SLC10A2: variants seen among roughly 807,000 people sequenced by gnomAD.
SLC10A2 encodes the protein solute carrier family 10 member 2.
In SLC10A2, 34 loss-of-function variants were observed where a neutral mutation model predicts 27.1. The ratio of observed to expected loss-of-function variants is 1.26; its 90% confidence interval spans 0.96 to 1.67. SLC10A2 has a LOEUF of 1.67. SLC10A2 is among the 40% of genes most tolerant of loss of function. SLC10A2 has a pLI of 0.00. For missense variants in SLC10A2, 530 were observed against 444.4 expected (o/e 1.19, Z -1.73); for synonymous variants, 205 against 174.0 (o/e 1.18, Z -1.40).
chr13:103,049,401 T>C lies in SLC10A2; in HGVS notation c.807A>G (p.Leu269=), dbSNP rs200875130. The change falls in exon 5 of 6, where the codon CTA becomes CTG. Residue 269 remains leucine, a synonymous_variant. Transcript: ENST00000245312. The stretch of plus-strand genomic sequence containing the variant: ...AGGAGAGCTGAACGATGGTGGAACA[T>C]AGCTGCGTGTTCTGCATCCCCGTTT... ...AFETGMQNTQ[L]CSTIVQLSFT... 18 of 1,613,924 alleles carry C rather than the reference T, an allele frequency of 1.1e-5. No individual in the cohort carries two copies. The highest frequency in any genetic ancestry group is 1.5e-5 in the Non-Finnish European group (18 of 1,179,958).
rs1294243338 is a variant in SLC10A2 at position 103,044,613 on chromosome 13, A to G, written c.*1520T>C. 1 of 152,172 alleles carries G rather than the reference A, an allele frequency of 6.6e-6. No homozygotes were observed. Among genetic ancestry groups the G allele is most frequent in the Non-Finnish European group, 1.5e-5 (1 of 68,022 alleles). 9.4% of individuals were successfully genotyped at this position (152,172 alleles called of 1,614,324 possible). A position where few individuals can be genotyped will look rare whatever the true frequency, so the allele number is the denominator to read the frequency against. ...GAAAAGCAGAATCCCTCACCCCTCT[A>G]CTGGAAGAGCTAAGTTGAGTTCCTG... On this transcript the variant is annotated 3_prime_UTR_variant, in exon 6 of 6. Coordinates refer to ENST00000245312, the MANE Select transcript of SLC10A2 (RefSeq NM_000452.3).
intron 1 of SLC10A2, among the ~76,000 whole-genome samples, chr13:103,063,612 T>A (rs1424705758): frequency 1.3e-5 from 2 of 152,248 alleles, no homozygotes; most frequent in Non-Finnish European, 1.5e-5. Context: ...ACCCTTTTAA[T>A]TAATTTGTAT....
At chr13:103,064,511 A>G (rs911073151) in intron 1 of SLC10A2, among the ~76,000 whole-genome samples, 4 of 152,214 alleles carry the variant, frequency 2.6e-5, no homozygotes, top group Admixed American at 1.3e-4. Context: ...CCTCTGCACT[A>G]AAAGTTACAA....
intron 1 of SLC10A2, among the ~76,000 whole-genome samples, chr13:103,059,251 G>A (rs1400799683): frequency 2.0e-5 from 3 of 152,094 alleles, no homozygotes; most frequent in Non-Finnish European, 2.9e-5. Context: ...CTGCATGTGT[G>A]ACTTCTTTTG....
chr13:103,055,814 T>C (rs1469621876), intron 2 of SLC10A2, among the ~76,000 whole-genome samples: 1 of 152,238 alleles, frequency 6.6e-6, no homozygotes, highest in African/African-American at 2.4e-5. Context: ...TATAAAGGAA[T>C]AAGTACATTC....
Position 103,044,857 on chromosome 13 carries a change from T to C in SLC10A2, c.*1276A>G, listed in dbSNP as rs1875561330. ...TTAAATTCGATCTTATAATTGAAAG[T>C]CCAACACTTGATGAGTTATTTTCCC... On this transcript the variant is annotated 3_prime_UTR_variant, in exon 6 of 6. Coordinates refer to ENST00000245312, the MANE Select transcript of SLC10A2 (RefSeq NM_000452.3). 1 of 152,180 alleles carries C rather than the reference T, an allele frequency of 6.6e-6. No homozygotes were observed. Among genetic ancestry groups the C allele is most frequent in the Non-Finnish European group, 1.5e-5 (1 of 68,046 alleles). 9.4% of individuals were successfully genotyped at this position (152,180 alleles called of 1,614,324 possible). A position where few individuals can be genotyped will look rare whatever the true frequency, so the allele number is the denominator to read the frequency against.
intron 2 of SLC10A2, among the ~76,000 whole-genome samples, chr13:103,054,714 T>G (rs1679723759): frequency 1.3e-5 from 2 of 152,256 alleles, no homozygotes; most frequent in Admixed American, 6.5e-5. Flanking sequence ...TGAGGCCAGA[T>G]GAAGTTTTTC....
In SLC10A2 at chr13:103,058,322, A is replaced by G. The variant is rs1876001011; in HGVS notation, c.438T>C (p.Leu146=). 2 of 1,613,780 alleles carry G rather than the reference A, an allele frequency of 1.2e-6. No individual in the cohort carries two copies. Among genetic ancestry groups the G allele is most frequent in the Non-Finnish European group, 1.7e-6 (2 of 1,179,856 alleles). Residue 146 remains leucine (L), a synonymous_variant, in exon 2 of 6, where the codon CTT becomes CTC. Coordinates refer to ENST00000245312, the MANE Select transcript of SLC10A2 (RefSeq NM_000452.3). ...AGTCGACCCACATTTTGGTATAGAT[A>G]AGGAGGCACAGCGGCATCATTCCGA... The part of the protein sequence containing the change: ...LALGMMPLCL[L]IYTKMWVDSG...
chr13:103,057,969 A>C (rs998010927), intron 2 of SLC10A2, among the ~76,000 whole-genome samples: 18 of 152,082 alleles, frequency 1.2e-4, no homozygotes, highest in African/African-American at 4.1e-4. Context: ...GAATAGGTGC[A>C]AGCTCCCATG....
At chr13:103,051,235 T>C (rs975728480) in intron 4 of SLC10A2, 22 bp downstream of exon 4, 2 of 1,611,272 alleles carry the variant, frequency 1.2e-6, no homozygotes, top group African/African-American at 1.3e-5. Context: ...AAATTCCCAA[T>C]GTGATTTACT....
At position 103,066,347 on chromosome 13, in the gene SLC10A2, C is replaced by A; in HGVS notation, c.-98G>T. On this transcript the variant is annotated 5_prime_UTR_variant, in exon 1 of 6. Transcript: ENST00000245312. ...GAGTTAAGCAACGTTTACTTCTACC[C>A]CATCAAACTTTTAAACCCCTCCTAA... 2 of 1,389,990 alleles carry A rather than the reference C, an allele frequency of 1.4e-6. No homozygotes were observed. Among genetic ancestry groups the A allele is most frequent in the Non-Finnish European group, 1.9e-6 (2 of 1,042,046 alleles). 86.1% of individuals were successfully genotyped at this position (1,389,990 alleles called of 1,614,324 possible).
chr13:103,054,400 CA>C (rs1447691859), intron 2 of SLC10A2, among the ~76,000 whole-genome samples: 1 of 152,130 alleles, frequency 6.6e-6, no homozygotes. Flanking sequence ...CAGATGAATA[CA>C]AGAAGGAAAC....
chr13:103,048,069 TCAG>T (rs1875662278), intron 5 of SLC10A2, among the ~76,000 whole-genome samples: 1 of 152,106 alleles, frequency 6.6e-6, no homozygotes. Context: ...GCAGAGGAGA[TCAG>T]CATCACAGGG....
chr13:103,064,927 A>G (rs1467679925), intron 1 of SLC10A2, among the ~76,000 whole-genome samples: 1 of 152,214 alleles, frequency 6.6e-6, no homozygotes, highest in Non-Finnish European at 1.5e-5. Flanking sequence ...AGTGTTTACA[A>G]TTCTACACTT....
At chr13:103,056,462 C>T (rs7323231) in intron 2 of SLC10A2, among the ~76,000 whole-genome samples, 61,764 of 151,596 alleles carry the variant, frequency 0.41, 12,838 homozygotes, top group African/African-American at 0.49. Context: ...ATTCACACTG[C>T]AGTTAGAATT....
At position 103,045,931 on chromosome 13, in the gene SLC10A2, CAT is replaced by C; in HGVS notation, c.*200_*201del. On this transcript the variant is annotated 3_prime_UTR_variant, in exon 6 of 6. Coordinates refer to ENST00000245312, the MANE Select transcript of SLC10A2 (RefSeq NM_000452.3). ...TATACATACATATATAAAACATATA[CAT>C]ATATATAGGAAACAATATTTGTCCC... 1 of 540,456 alleles carries C rather than the reference CAT, an allele frequency of 1.9e-6. No homozygotes were observed. The highest frequency in any genetic ancestry group is 2.1e-5 in the South Asian group (1 of 47,650). 33.5% of individuals were successfully genotyped at this position (540,456 alleles called of 1,614,324 possible).
chr13:103,063,906 T>C (rs921618005), intron 1 of SLC10A2, among the ~76,000 whole-genome samples: 2 of 152,228 alleles, frequency 1.3e-5, no homozygotes, highest in Non-Finnish European at 2.9e-5. Flanking sequence ...GATAGAGAGA[T>C]GGCTGTGTGT....
In SLC10A2 at chr13:103,046,161, T is replaced by C; in HGVS notation, c.1019A>G (p.Asn340Ser). 6.2e-7 allele frequency: 1 copy of C among 1,613,946 alleles called. No individual in the cohort carries two copies. ...TEPESSFYKANGGFQPDEK is the reference protein window; with the variant it reads ...TEPESSFYKASGGFQPDEK Reference sequence around the variant, plus strand: ...CTTTTCGTCAGGTTGAAATCCTCCATTTGCCTTATAAAACGATGACTCTGG... The same window carrying C: ...CTTTTCGTCAGGTTGAAATCCTCCACTTGCCTTATAAAACGATGACTCTGG... Residue 340 changes from asparagine to serine, a missense_variant, in exon 6 of 6, where the codon AAT becomes AGT. Transcript: ENST00000245312.
In SLC10A2 at chr13:103,051,993, T is replaced by C. The variant is rs1181591871; in HGVS notation, c.586-561A>G. Among the ~76,000 whole-genome samples, 7 of 152,200 alleles carry C rather than the reference T, an allele frequency of 4.6e-5. No individual in the cohort carries two copies. In the East Asian group the frequency reaches 1.3e-3, roughly 29 times the overall value. ...AAACAAAATTTGGAGATTATAAACATTTTTTGTCAAGAGAAGCAAGGAATA... is the reference window on the plus strand; with the variant it reads ...AAACAAAATTTGGAGATTATAAACACTTTTTGTCAAGAGAAGCAAGGAATA... On this transcript the variant is annotated intron_variant, in intron 3 of 5. Transcript: ENST00000245312.
Sources: gnomAD v4.1 joint callset for allele counts (sites outside exome capture counted in the v4.1 genomes callset) on GRCh38, gnomAD v4.1.1 for gene constraint, MANE v1.5 for transcripts, NCBI Gene and HGNC (gene_info 2026-07-23, HGNC 2026-07-21) for gene names.